Variants in COL27A1 observed in about 807,000 individuals in gnomAD.
COL27A1 encodes collagen type XXVII alpha 1 chain.
COL27A1 carries 106 observed loss-of-function variants against 251.3 expected under a neutral mutation model. That is an observed-to-expected ratio of 0.42 (90% CI 0.36 to 0.50). COL27A1 has a LOEUF of 0.50. COL27A1 is among the 20% of genes least tolerant of loss of function. The pLI is 0.00. For missense variants in COL27A1, 2,325 were observed against 2,522.8 expected (o/e 0.92, Z 1.68); for synonymous variants, 1,000 against 986.3 (o/e 1.01, Z -0.26).
rs200870872 is a variant in COL27A1 at position 114,221,885 on chromosome 9, C to T, written c.2422-338C>T. On this transcript the variant is annotated intron_variant, in intron 13 of 60. Transcript: ENST00000356083. ...ACTTAACCTCTGGAGCTTCAGTTTT[C>T]CTGTCTGTAAAATGAGCGTGAAATG... 2.0e-5 allele frequency among the ~76,000 whole-genome samples: 3 copies of T among 152,328 alleles called. No homozygotes were observed. In the South Asian group the frequency reaches 6.2e-4, roughly 32 times the overall value.
chr9:114,303,242 C>CTTTT (rs71367759), intron 56 of COL27A1, among the ~76,000 whole-genome samples: 3 of 132,202 alleles, frequency 2.3e-5, no homozygotes, highest in African/African-American at 2.7e-5. Flanking sequence ...TTTTTCTTTT[C>CTTTT]TTTTTTTTTT....
At chr9:114,249,851 A>G (rs1833401492) in intron 24 of COL27A1, among the ~76,000 whole-genome samples, 1 of 152,202 alleles carries the variant, frequency 6.6e-6, no homozygotes, top group Non-Finnish European at 1.5e-5. Flanking sequence ...CCTGAACCAC[A>G]CAAGGCCCTC....
chr9:114,194,947 G>T (rs1332296449), intron 6 of COL27A1, among the ~76,000 whole-genome samples: 1 of 152,206 alleles, frequency 6.6e-6, no homozygotes, highest in African/African-American at 2.4e-5. Flanking sequence ...AACCAGGCTT[G>T]CCTGCAGAAG....
At chr9:114,226,245 C>T (rs1306491616) in intron 14 of COL27A1, among the ~76,000 whole-genome samples, 1 of 152,212 alleles carries the variant, frequency 6.6e-6, no homozygotes, top group African/African-American at 2.4e-5. Context: ...CCACCTTATT[C>T]TGCCACTAAA....
chr9:114,202,580 G>A (rs1319988730), intron 7 of COL27A1, among the ~76,000 whole-genome samples: 1 of 152,108 alleles, frequency 6.6e-6, no homozygotes, highest in Non-Finnish European at 1.5e-5. Flanking sequence ...GAGCTTCTGT[G>A]GTTTTGCATC....
intron 12 of COL27A1, among the ~76,000 whole-genome samples, chr9:114,215,624 A>G (rs1325595334): frequency 6.6e-6 from 1 of 152,292 alleles, no homozygotes; most frequent in East Asian, 1.9e-4. Context: ...CTGCACACCT[A>G]GAAAAGAATA....
At chr9:114,189,106 T>C (rs1216474312) in intron 5 of COL27A1, among the ~76,000 whole-genome samples, 1 of 152,240 alleles carries the variant, frequency 6.6e-6, no homozygotes, top group African/African-American at 2.4e-5. Flanking sequence ...TCTGTGGTTC[T>C]TTATTTTGCT....
Position 114,311,003 on chromosome 9 carries a change from T to G in COL27A1, c.*308T>G, listed in dbSNP as rs1829406881. The G allele has an allele frequency of 3.5e-6, 1 of 283,370 alleles. No individual in the cohort carries two copies. The allele number at this position is 283,370 out of a possible 1,614,324, so 17.6% of individuals were successfully genotyped here. On this transcript the variant is annotated 3_prime_UTR_variant, in exon 61 of 61. Coordinates refer to ENST00000356083, the MANE Select transcript of COL27A1 (RefSeq NM_032888.4). ...GCGGCCACCCCGTTCCCTCCCCAGC[T>G]TCCTGCCCAAAGAGCCCCACATTCA... is the stretch of plus-strand genomic sequence containing the variant.
rs759477075 is a variant in COL27A1 at position 114,301,714 on chromosome 9, C to T, written c.4842C>T (p.Pro1614=). Residue 1614 remains proline, a synonymous_variant, in exon 55 of 61, where the codon CCC becomes CCT. Transcript: ENST00000356083. ...CCGGCCCCAGAGGGCGGCCCGGCCC[C>T]CCGGTAGGTAACTGAGTGCTGGGTG... The part of the protein sequence containing the change: ...GPPGPRGRPG[P]PGPPGGPIQL... 5.6e-6 allele frequency: 9 copies of T among 1,612,166 alleles called. No homozygotes were observed. The highest frequency in any genetic ancestry group is 3.3e-5 in the Admixed American group (2 of 59,798).
At chr9:114,228,070 A>T (rs111428526) in intron 14 of COL27A1, among the ~76,000 whole-genome samples, 2,198 of 152,194 alleles carry the variant, frequency 0.014, 50 homozygotes, top group African/African-American at 0.05. Context: ...GGGGTTGCCC[A>T]TGCCCATGGG....
At position 114,306,591 on chromosome 9, in the gene COL27A1, C is replaced by T. The variant is rs2131687032; in HGVS notation, c.5010C>T (p.Ser1670=). ...GEIFKTLHYL[S]NLIQSIKTPL... is the part of the protein sequence containing the mutation. ...TCTTTAAAACCTTACACTACCTCAGCAACCTCATCCAGAGCATTAAGACGC... is the reference window on the plus strand; with the variant it reads ...TCTTTAAAACCTTACACTACCTCAGTAACCTCATCCAGAGCATTAAGACGC... The change falls in exon 58 of 61, where the codon AGC becomes AGT. Residue 1670 remains serine (S), a synonymous_variant. Coordinates refer to ENST00000356083, the MANE Select transcript of COL27A1 (RefSeq NM_032888.4). The T allele has an allele frequency of 6.2e-7, 1 of 1,614,118 alleles. No homozygotes were observed. The highest frequency in any genetic ancestry group is 1.1e-5 in the South Asian group (1 of 91,074).
intron 56 of COL27A1, among the ~76,000 whole-genome samples, chr9:114,302,964 C>T (rs967654063): frequency 2.0e-5 from 3 of 152,134 alleles, no homozygotes; most frequent in East Asian, 1.9e-4. Flanking sequence ...TTGAGCCATG[C>T]GTCATTCAGA....
chr9:114,252,126 C>G (rs182606804), intron 25 of COL27A1, among the ~76,000 whole-genome samples: 1 of 152,172 alleles, frequency 6.6e-6, no homozygotes, highest in Non-Finnish European at 1.5e-5. Context: ...CTGGATTGGT[C>G]GAGAGGGAAT....
Position 114,167,868 on chromosome 9 carries a change from T to G in COL27A1, c.313T>G (p.Cys105Gly). 2 of 1,613,512 alleles carry G rather than the reference T, an allele frequency of 1.2e-6. No homozygotes were observed. The highest frequency in any genetic ancestry group is 2.2e-5 in the South Asian group (2 of 91,074). Residue 105 changes from cysteine to glycine, a missense_variant, in exon 3 of 61, where the codon TGC (cysteine) becomes GGC (glycine). By Grantham distance (159) the Cys-to-Gly change is radical. This residue lies in a region of COL27A1 where 1,183 missense variants were observed against 1,144.1 expected (regional missense o/e 1.03). Coordinates refer to ENST00000356083, the MANE Select transcript of COL27A1 (RefSeq NM_032888.4). ...GTELALVLSL[C>G]SHRVNHAFLF... ...AGAGCTGGCACTGGTGCTGAGCCTCTGCTCCCACCGGGTGAACCATGCCTT... is the reference window on the plus strand; with the variant it reads ...AGAGCTGGCACTGGTGCTGAGCCTCGGCTCCCACCGGGTGAACCATGCCTT...
chr9:114,179,378 A>G (rs942610632), intron 4 of COL27A1, among the ~76,000 whole-genome samples: 1 of 152,128 alleles, frequency 6.6e-6, no homozygotes, highest in Non-Finnish European at 1.5e-5. Flanking sequence ...CTGCTAGCCC[A>G]TGGGACCTTG....
At chr9:114,183,764 C>T (rs924851348) in intron 5 of COL27A1, among the ~76,000 whole-genome samples, 1 of 152,146 alleles carries the variant, frequency 6.6e-6, no homozygotes, top group Non-Finnish European at 1.5e-5. Context: ...CAGGATTGCT[C>T]TGAGCTGGAG....
At chr9:114,160,005 T>C (rs917039418) in intron 1 of COL27A1, among the ~76,000 whole-genome samples, 13 of 152,214 alleles carry the variant, frequency 8.5e-5, no homozygotes, top group Non-Finnish European at 1.8e-4. Flanking sequence ...CATGGTGAGC[T>C]GGGGGCCTGG....
Position 114,265,051 on chromosome 9 carries a change from C to A in COL27A1, c.3295-15C>A. 1.2e-6 allele frequency: 2 copies of A among 1,613,820 alleles called. No individual in the cohort carries two copies. The highest frequency in any genetic ancestry group is 1.1e-5 in the South Asian group (1 of 91,060). On this transcript the variant is annotated splice_polypyrimidine_tract_variant and intron_variant, in intron 30 of 60. Transcript: ENST00000356083. ...TGTGATCTGAGCCTGTAATGACCCC[C>A]ACATGTGCTTCCAGGGTGTGGCTGG... is the stretch of plus-strand genomic sequence containing the variant.
intron 17 of COL27A1, among the ~76,000 whole-genome samples, chr9:114,235,904 GTTC>G (rs1022829102): frequency 4.6e-5 from 7 of 152,030 alleles, no homozygotes; most frequent in African/African-American, 1.7e-4. Context: ...CTACCCAGTT[GTTC>G]TTCTGAGGGC....
Sources: allele counts gnomAD v4.1 joint callset (sites outside exome capture counted in the v4.1 genomes callset), GRCh38; gene constraint gnomAD v4.1.1; regional missense constraint gnomAD v4.1.1; transcripts MANE v1.5; gene names NCBI Gene and HGNC (gene_info 2026-07-23, HGNC 2026-07-21).